The following CLTA variants were observed in gnomAD, a reference collection of about 807,000 sequenced individuals.
The protein encoded by CLTA is clathrin, light polypeptide (Lca).
Under a neutral mutation model 26.9 loss-of-function variants are expected in CLTA, and 9 were observed. The ratio of observed to expected loss-of-function variants is 0.33; its 90% CI spans 0.20 to 0.58. The LOEUF (loss-of-function observed/expected upper bound fraction) is 0.58. Among genes scored for constraint, CLTA ranks in the 20% least tolerant of loss-of-function variants. The pLI is 0.85. For synonymous variants in CLTA, 120 were observed against 115.5 expected, an observed-to-expected ratio of 1.04 and a Z score of -0.25; for missense variants, 278 against 294.2, an observed-to-expected ratio of 0.94 and a Z score of 0.40.
chr9:36,200,141 G>A (rs938491743), intron 3 of CLTA, among the ~76,000 whole-genome samples: 4 of 152,234 alleles, frequency 2.6e-5, no homozygotes, highest in African/African-American at 9.6e-5. Context: ...GATTGGAGAA[G>A]TATGCAGAGT....
At chr9:36,197,997 C>CT (rs11308341) in intron 2 of CLTA, among the ~76,000 whole-genome samples, 18,138 of 104,224 alleles carry the variant, frequency 0.17, 2,266 homozygotes, top group African/African-American at 0.27. Flanking sequence ...TTATTTGAGT[C>CT]TTTTTTTTTT....
intron 1 of CLTA, among the ~76,000 whole-genome samples, chr9:36,193,652 G>A (rs146892074): frequency 3.1e-4 from 47 of 152,242 alleles, no homozygotes; most frequent in African/African-American, 1.1e-3. Context: ...CTCTCTTTCT[G>A]ATGTATTATA....
intron 3 of CLTA, among the ~76,000 whole-genome samples, chr9:36,201,337 T>C (rs1381046453): frequency 6.6e-6 from 1 of 152,198 alleles, no homozygotes; most frequent in Non-Finnish European, 1.5e-5. Context: ...CATTCTCAAG[T>C]AATTTTCTTT....
At chr9:36,198,259 A>G (rs1827170566) in intron 2 of CLTA, among the ~76,000 whole-genome samples, 1 of 151,854 alleles carries the variant, frequency 6.6e-6, no homozygotes, top group African/African-American at 2.4e-5. Context: ...TGGCCTCCCA[A>G]AGTGCTGGGA....
At chr9:36,201,806 C>T (rs1392984072) in intron 3 of CLTA, among the ~76,000 whole-genome samples, 1 of 152,112 alleles carries the variant, frequency 6.6e-6, no homozygotes, top group Non-Finnish European at 1.5e-5. Context: ...CATGGATAGA[C>T]ACATATTAGA....
At chr9:36,197,501 C>T (rs753585566) in intron 1 of CLTA, 50 bp from the exon 2 acceptor site, 4 of 1,364,782 alleles carry the variant, frequency 2.9e-6, no homozygotes, top group Non-Finnish European at 4.2e-6. Flanking sequence ...ACCCTTTGGC[C>T]CAGTGTTTGA....
At chr9:36,200,268 T>C (rs546939438) in intron 3 of CLTA, among the ~76,000 whole-genome samples, 1 of 152,274 alleles carries the variant, frequency 6.6e-6, no homozygotes, top group Non-Finnish European at 1.5e-5. Context: ...AGGAGGAAAA[T>C]AAACATGTGC....
intron 3 of CLTA, among the ~76,000 whole-genome samples, chr9:36,203,672 G>C (rs577282896): frequency 6.6e-6 from 1 of 152,308 alleles, no homozygotes; most frequent in African/African-American, 2.4e-5. Flanking sequence ...CATTGGTAAA[G>C]AATCATCTAT....
intron 3 of CLTA, among the ~76,000 whole-genome samples, chr9:36,202,096 G>A (rs1827447838): frequency 6.6e-6 from 1 of 152,134 alleles, no homozygotes; most frequent in African/African-American, 2.4e-5. Flanking sequence ...GGGCTACAGA[G>A]CGAGACCCTA....
intron 1 of CLTA, among the ~76,000 whole-genome samples, chr9:36,195,695 G>A (rs1233947410): frequency 6.6e-6 from 1 of 152,190 alleles, no homozygotes; most frequent in East Asian, 1.9e-4. Context: ...GGCCAGGTGC[G>A]GTGGCTCACG....
rs1360707575 is a variant in CLTA, at chr9:36,204,140, G to T, written c.446G>T (p.Arg149Ile). Residue 149 changes from arginine (R) to isoleucine (I), a missense_variant, in exon 4 of 5, where the codon AGA becomes ATA. Physicochemically the swap from Arg to Ile is moderately conservative, Grantham distance 97. Coordinates refer to ENST00000345519, the MANE Select transcript of CLTA (RefSeq NM_001833.4). ...AAGGAGCTAGAAGAATGGTATGCAA[G>T]ACAGGACGAGCAGCTACAGAAAACA... ...AIKELEEWYA[R>I]QDEQLQKTKA... The T allele has an allele frequency of 1.2e-6, 2 of 1,614,050 alleles. No individual in the cohort carries two copies. Among genetic ancestry groups the T allele is most frequent in the Non-Finnish European group, 8.5e-7 (1 of 1,180,020 alleles).
Position 36,211,767 on chromosome 9 carries a change from T to C in CLTA, c.650T>C (p.Val217Ala), listed in dbSNP as rs1828057816. The C allele has an allele frequency of 4.4e-6, 7 of 1,609,164 alleles. No individual in the cohort carries two copies. In the South Asian group the frequency reaches 7.7e-5, roughly 18 times the overall value. ...ATCTCCCTCAAGCAGGCCCCGCTGG[T>C]GCACTGAAGAGCCACCCTGTGGAAA... ...VLISLKQAPL[V>A]H The change falls in exon 5 of 5, where the codon GTG becomes GCG. Residue 217 changes from valine to alanine, a missense_variant. Val to Ala is a moderately conservative substitution (Grantham distance 64). Coordinates refer to ENST00000345519, the MANE Select transcript of CLTA (RefSeq NM_001833.4).
chr9:36,192,133 A>T (rs530577287), intron 1 of CLTA, among the ~76,000 whole-genome samples: 1 of 152,332 alleles, frequency 6.6e-6, no homozygotes, highest in East Asian at 1.9e-4. Context: ...TAGGAAATTT[A>T]GCTAGAAGAA....
intron 1 of CLTA, 65 bp downstream of exon 1, chr9:36,191,338 A>G: frequency 1.4e-6 from 2 of 1,433,210 alleles, no homozygotes; most frequent in South Asian, 2.9e-5. Flanking sequence ...AGTGGGTCCG[A>G]GAGCTTCTGT....
At chr9:36,208,169 C>T (rs996944323) in intron 4 of CLTA, among the ~76,000 whole-genome samples, 2 of 152,154 alleles carry the variant, frequency 1.3e-5, no homozygotes, top group Non-Finnish European at 2.9e-5. Context: ...CACCCCAAAT[C>T]GACTTGACAA....
intron 4 of CLTA, among the ~76,000 whole-genome samples, chr9:36,210,337 C>A (rs1827970640): frequency 6.6e-6 from 1 of 152,120 alleles, no homozygotes; most frequent in Non-Finnish European, 1.5e-5. Context: ...AACTGGGTTT[C>A]CTGGGCCCCC....
At chr9:36,207,164 T>C (rs1827774947) in intron 4 of CLTA, among the ~76,000 whole-genome samples, 1 of 152,318 alleles carries the variant, frequency 6.6e-6, no homozygotes, top group African/African-American at 2.4e-5. Flanking sequence ...GTGGGTGTGC[T>C]GTACTCTATT....
rs751062729 is a variant in CLTA, at chr9:36,211,956, A to G, written c.*182A>G. ...ACTGTGTTCTCCCTGGCATTCAGAG[A>G]GGAGGGAGAGGAGGAAGAGGAAGGG... On this transcript the variant is annotated 3_prime_UTR_variant, in exon 5 of 5. Transcript: ENST00000345519. 8 of 704,440 alleles carry G rather than the reference A, an allele frequency of 1.1e-5. No individual in the cohort carries two copies. The highest frequency in any genetic ancestry group is 1.1e-4 in the South Asian group (7 of 64,994). The allele number at this position is 704,440 out of a possible 1,614,324, so 43.6% of individuals were successfully genotyped here.
intron 3 of CLTA, among the ~76,000 whole-genome samples, chr9:36,202,798 A>G (rs1024994657): frequency 4.6e-5 from 7 of 151,914 alleles, no homozygotes; most frequent in Non-Finnish European, 1.0e-4. Flanking sequence ...CAGCTGCCTC[A>G]GTAGCTATGA....
Sources: gnomAD v4.1 joint callset for allele counts (sites outside exome capture counted in the v4.1 genomes callset) on GRCh38, gnomAD v4.1.1 for gene constraint, MANE v1.5 for transcripts, NCBI Gene and HGNC (gene_info 2026-07-23, HGNC 2026-07-21) for gene names.